The following FBXW7 variants were observed in gnomAD, a reference collection of about 807,000 sequenced individuals.
The protein encoded by FBXW7 is F-box/WD repeat-containing protein 7.
Under a neutral mutation model 86.3 loss-of-function variants are expected in FBXW7, and 11 were observed. The ratio of observed to expected loss-of-function variants is 0.13; its 90% CI spans 0.08 to 0.21. The LOEUF (loss-of-function observed/expected upper bound fraction) is 0.21. Ranked by LOEUF, FBXW7 falls within the 10% of genes least tolerant of loss-of-function variation. The pLI is 1.00. For synonymous variants in FBXW7, 313 were observed against 297.9 expected (o/e 1.05, Z -0.52); for missense variants, 488 against 847.4 (o/e 0.58, Z 5.27).
intron 2 of FBXW7, among the ~76,000 whole-genome samples, chr4:152,524,196 T>C (rs1266483386): frequency 6.6e-6 from 1 of 152,172 alleles, no homozygotes; most frequent in African/African-American, 2.4e-5. Flanking sequence ...CATCCCAGTT[T>C]TAAAAGAAAC....
At chr4:152,486,278 A>C (rs557318700) in intron 2 of FBXW7, among the ~76,000 whole-genome samples, 1 of 152,236 alleles carries the variant, frequency 6.6e-6, no homozygotes, top group South Asian at 2.1e-4. Flanking sequence ...ATACACTCAA[A>C]CCACACTACA....
In FBXW7 at chr4:152,322,778, A is replaced by G; in HGVS notation, c.*103T>C. The G allele has an allele frequency of 1.3e-6, 2 of 1,532,492 alleles. No individual in the cohort carries two copies. Among genetic ancestry groups the G allele is most frequent in the Non-Finnish European group, 1.7e-6 (2 of 1,144,410 alleles). The allele number at this position is 1,532,492 out of a possible 1,614,324, so 94.9% of individuals were successfully genotyped here. A position where few individuals can be genotyped will look rare whatever the true frequency, so the allele number is the denominator to read the frequency against. On this transcript the variant is annotated 3_prime_UTR_variant, in exon 14 of 14. Coordinates refer to ENST00000281708, the MANE Select transcript of FBXW7 (RefSeq NM_001349798.2). The stretch of plus-strand genomic sequence containing the variant: ...CAAGCCAACATCCTGCACCACTGAG[A>G]ACAAGGGATTTTTTTCTTTTTCTTT...
chr4:152,410,400 C>T (rs1217852018), intron 4 of FBXW7, among the ~76,000 whole-genome samples: 2 of 152,194 alleles, frequency 1.3e-5, no homozygotes, highest in East Asian at 3.8e-4. Flanking sequence ...ACTGCTTCAA[C>T]ATCTTGAGAC....
In FBXW7 at chr4:152,459,402, T is replaced by C. The variant is rs574390228; in HGVS notation, c.-119-46873A>G. 5.9e-5 allele frequency among the ~76,000 whole-genome samples: 9 copies of C among 152,302 alleles called. No individual in the cohort carries two copies. The South Asian group carries it at 1.9e-3, about 32-fold the overall frequency. On this transcript the variant is annotated intron_variant, in intron 2 of 13. Coordinates refer to ENST00000281708, the MANE Select transcript of FBXW7 (RefSeq NM_001349798.2). The stretch of plus-strand genomic sequence containing the variant: ...TTGGAGCAAATAAGATACTACAGTA[T>C]CATAGCCAAATCAGCTACAACAGTA...
chr4:152,432,480 A>C (rs1010358532), intron 2 of FBXW7, among the ~76,000 whole-genome samples: 4 of 152,202 alleles, frequency 2.6e-5, no homozygotes, highest in Non-Finnish European at 5.9e-5. Flanking sequence ...TGAAAAACAT[A>C]TATATCTATA....
Position 152,378,977 on chromosome 4 carries a change from G to A in FBXW7, c.502-28853C>T, listed in dbSNP as rs1038039668. On this transcript the variant is annotated intron_variant, in intron 4 of 13. Coordinates refer to ENST00000281708, the MANE Select transcript of FBXW7 (RefSeq NM_001349798.2). ...GCCAAGATGGCGCCACTACACTCCA[G>A]CCTGGGAGACAGAGTGAGACACTGT... Among the ~76,000 whole-genome samples the A allele has an allele frequency of 6.6e-5, 10 of 152,226 alleles. No homozygotes were observed. In the South Asian group the frequency reaches 8.3e-4, roughly 13 times the overall value.
At chr4:152,497,846 A>G (rs76403435) in intron 2 of FBXW7, among the ~76,000 whole-genome samples, 2,088 of 152,338 alleles carry the variant, frequency 0.014, 25 homozygotes, top group Middle Eastern at 0.037. Flanking sequence ...GTAGAACTGC[A>G]TTATCTCTAT....
intron 13 of FBXW7, chr4:152,323,597 T>C (rs149713865): frequency 6.2e-5 from 11 of 178,220 alleles, no homozygotes; most frequent in African/African-American, 2.4e-4. Context: ...AGCTGCAATG[T>C]TGCCTATCAG....
At chr4:152,384,001 T>TAAAAC (rs1378613527) in intron 4 of FBXW7, among the ~76,000 whole-genome samples, 1 of 152,130 alleles carries the variant, frequency 6.6e-6, no homozygotes, top group Non-Finnish European at 1.5e-5. Context: ...AGGATGGTTT[T>TAAAAC]AAAACAAAAC....
At chr4:152,456,668 C>T (rs1742449247) in intron 2 of FBXW7, among the ~76,000 whole-genome samples, 2 of 152,080 alleles carry the variant, frequency 1.3e-5, no homozygotes, top group South Asian at 4.2e-4. Flanking sequence ...TAATGAATGC[C>T]ACAATAAGAC....
chr4:152,323,270 A>C lies in FBXW7; in HGVS notation c.1856-121T>G, dbSNP rs543274285. ...ATAAATGCAACATTTGAAATGATAC[A>C]TATTTAGAAACCCATGTCCTCAGTA... is the stretch of plus-strand genomic sequence containing the variant. On this transcript the variant is annotated intron_variant, in intron 13 of 13. Coordinates refer to ENST00000281708, the MANE Select transcript of FBXW7 (RefSeq NM_001349798.2). 2.5e-6 allele frequency: 3 copies of C among 1,179,268 alleles called. No homozygotes were observed. In the South Asian group the frequency reaches 4.8e-5, roughly 19 times the overall value. The allele number at this position is 1,179,268 out of a possible 1,614,324, so 73.1% of individuals were successfully genotyped here.
In FBXW7 at chr4:152,535,825, G is replaced by A. The variant is rs1259635775; in HGVS notation, c.-911C>T. 1.3e-5 allele frequency: 5 copies of A among 392,112 alleles called. No individual in the cohort carries two copies. Among genetic ancestry groups the A allele is most frequent in the Non-Finnish European group, 2.2e-5 (5 of 222,746 alleles). The allele number at this position is 392,112 out of a possible 1,614,324, so 24.3% of individuals were successfully genotyped here. A position where few individuals can be genotyped will look rare whatever the true frequency, so the allele number is the denominator to read the frequency against. On this transcript the variant is annotated 5_prime_UTR_variant, in exon 1 of 14. Coordinates refer to ENST00000281708, the MANE Select transcript of FBXW7 (RefSeq NM_001349798.2). ...GCCGCCGGCTCCGGCTCAGGCTCGGGCTCCGGCTCTGGCTCCGGCTCCGGC... is the reference window on the plus strand; with the variant it reads ...GCCGCCGGCTCCGGCTCAGGCTCGGACTCCGGCTCTGGCTCCGGCTCCGGC...
At chr4:152,460,456 A>G (rs897911522) in intron 2 of FBXW7, among the ~76,000 whole-genome samples, 1 of 152,216 alleles carries the variant, frequency 6.6e-6, no homozygotes, top group African/African-American at 2.4e-5. Context: ...GGTACTTGCC[A>G]TCTGGTGCCA....
intron 2 of FBXW7, among the ~76,000 whole-genome samples, chr4:152,456,777 G>A (rs1742458446): frequency 6.6e-6 from 1 of 152,170 alleles, no homozygotes; most frequent in Admixed American, 6.5e-5. Flanking sequence ...ACTGCAAGTG[G>A]TAATATAAAC....
intron 2 of FBXW7, among the ~76,000 whole-genome samples, chr4:152,495,773 A>G (rs953869078): frequency 2.0e-5 from 3 of 152,224 alleles, no homozygotes; most frequent in Non-Finnish European, 1.5e-5. Flanking sequence ...ACATAGGTCA[A>G]TAACAGAAGA....
chr4:152,388,698 T>C (rs1735753284), intron 4 of FBXW7, among the ~76,000 whole-genome samples: 1 of 152,146 alleles, frequency 6.6e-6, no homozygotes, highest in Admixed American at 6.5e-5. Flanking sequence ...TGTCTTGCAG[T>C]ACAATTACCT....
At chr4:152,399,793 T>TA (rs1013645943) in intron 4 of FBXW7, among the ~76,000 whole-genome samples, 22 of 152,144 alleles carry the variant, frequency 1.4e-4, no homozygotes, top group Non-Finnish European at 2.5e-4. Context: ...AAAACTCTGA[T>TA]AAAAAATCAA....
At chr4:152,519,270 C>T (rs764961429) in intron 2 of FBXW7, among the ~76,000 whole-genome samples, 2 of 151,916 alleles carry the variant, frequency 1.3e-5, no homozygotes, top group Non-Finnish European at 2.9e-5. Flanking sequence ...TGCACTCCAG[C>T]CTGGGCTACA....
At chr4:152,494,198 T>G (rs920244833) in intron 2 of FBXW7, among the ~76,000 whole-genome samples, 7 of 152,278 alleles carry the variant, frequency 4.6e-5, no homozygotes, top group African/African-American at 1.4e-4. Flanking sequence ...GAGAAAGCCT[T>G]AGATAGAAAG....
Sources: gnomAD v4.1 joint callset for allele counts (sites outside exome capture counted in the v4.1 genomes callset) on GRCh38, gnomAD v4.1.1 for gene constraint, MANE v1.5 for transcripts, NCBI Gene and HGNC (gene_info 2026-07-23, HGNC 2026-07-21) for gene names.